The following ACBD3 variants were observed in gnomAD, a reference collection of about 807,000 sequenced individuals.
The protein encoded by ACBD3 is acyl-CoA binding domain containing 3.
A neutral mutation model predicts 66.9 loss-of-function variants in ACBD3; 30 were observed. The ratio of observed to expected loss-of-function variants is 0.45; its 90% CI spans 0.34 to 0.61. The LOEUF (loss-of-function observed/expected upper bound fraction) is 0.61. ACBD3 is among the 20% of genes least tolerant of loss of function. The pLI is 0.02. For synonymous variants in ACBD3, 278 were observed against 259.8 expected, an observed-to-expected ratio of 1.07 and a Z score of -0.68; for missense variants, 544 against 664.5, an observed-to-expected ratio of 0.82 and a Z score of 1.99.
At chr1:226,162,268 GAA>G (rs570558123) in intron 3 of ACBD3, among the ~76,000 whole-genome samples, 3 of 141,088 alleles carry the variant, frequency 2.1e-5, no homozygotes, top group Admixed American at 7.1e-5. Flanking sequence ...CTTGCTTAAT[GAA>G]AAAAAAAAAG....
At chr1:226,152,689 G>A (rs1054031525) in intron 6 of ACBD3, 70 bp from the exon 7 acceptor site, 3 of 1,433,610 alleles carry the variant, frequency 2.1e-6, no homozygotes, top group Non-Finnish European at 2.9e-6. Flanking sequence ...CATTTTCATA[G>A]CACTACCTGA....
intron 1 of ACBD3, among the ~76,000 whole-genome samples, chr1:226,185,472 T>C (rs186648076): frequency 1.3e-5 from 2 of 152,280 alleles, no homozygotes; most frequent in East Asian, 1.9e-4. Context: ...ACTTTTAAAG[T>C]TGCATTTGCT....
intron 3 of ACBD3, 127 bp downstream of exon 3, chr1:226,164,662 C>T (rs746101956): frequency 5.3e-6 from 6 of 1,137,180 alleles, no homozygotes; most frequent in Non-Finnish European, 5.9e-6. Context: ...GAACAATTGC[C>T]ACAAGAAATG....
chr1:226,161,722 C>T (rs374746639), intron 3 of ACBD3, 33 bp from the exon 4 acceptor site: 42 of 1,515,874 alleles, frequency 2.8e-5, no homozygotes, highest in African/African-American at 2.1e-4. Flanking sequence ...GAACCCTATA[C>T]GTTGAATCCT....
chr1:226,148,097 A>G (rs1659493610), intron 7 of ACBD3: 1 of 152,222 alleles, frequency 6.6e-6, no homozygotes, highest in Non-Finnish European at 1.5e-5. Context: ...CACCGTCTAT[A>G]GCAGATTAAG....
In ACBD3 at chr1:226,152,553, TTC is replaced by T; in HGVS notation, c.1155_1156del (p.Lys386AspfsTer25). 6.2e-7 allele frequency: 1 copy of T among 1,614,226 alleles called. No homozygotes were observed. The highest frequency in any genetic ancestry group is 8.5e-7 in the Non-Finnish European group (1 of 1,180,040). ...CACGGAATCTGCATCCTGCTGAATC[TTC>T]TCTTTGAAGTCTTTGATCTGAGGTC... On this transcript the variant is annotated frameshift_variant, in exon 7 of 8. Coordinates refer to ENST00000366812, the MANE Select transcript of ACBD3 (RefSeq NM_022735.4). LOFTEE classifies it high-confidence loss of function.
chr1:226,162,017 G>T (rs79575279), intron 3 of ACBD3, among the ~76,000 whole-genome samples: 4,630 of 152,098 alleles, frequency 0.03, 215 homozygotes, highest in African/African-American at 0.1. Context: ...CATAATACCT[G>T]CTGTCATTAT....
chr1:226,159,341 G>T lies in ACBD3; in HGVS notation c.746C>A (p.Ala249Asp). 6.2e-7 allele frequency: 1 copy of T among 1,614,068 alleles called. No homozygotes were observed. The highest frequency in any genetic ancestry group is 8.5e-7 in the Non-Finnish European group (1 of 1,179,982). Residue 249 changes from alanine (A) to aspartate (D), a missense_variant, in exon 5 of 8, where the codon GCT becomes GAT. Physicochemically the swap from Ala to Asp is moderately radical, Grantham distance 126. Around this residue, in one of 3 missense-constraint regions of ACBD3, gnomAD observed 383 missense variants for 462.4 expected, o/e 0.83. Coordinates refer to ENST00000366812, the MANE Select transcript of ACBD3 (RefSeq NM_022735.4). ...CTGCACGGCAGTCTGGGAGTTTAAA[G>T]CTGCCATTATCTGCTGCCTAAAAAC... is the stretch of plus-strand genomic sequence containing the variant. ...LEQQKQQIMA[A>D]LNSQTAVQFQ...
intron 4 of ACBD3, 94 bp from the exon 5 acceptor site, chr1:226,159,452 ACTCT>A: frequency 8.5e-7 from 1 of 1,181,864 alleles, no homozygotes; most frequent in Non-Finnish European, 1.2e-6. Flanking sequence ...ACAGTCTGTA[ACTCT>A]TAAAAACAAC....
chr1:226,181,843 G>C (rs1656176596), intron 1 of ACBD3, among the ~76,000 whole-genome samples: 1 of 152,132 alleles, frequency 6.6e-6, no homozygotes, highest in South Asian at 2.1e-4. Flanking sequence ...CATCCAAGAA[G>C]TATAAAGGTC....
intron 1 of ACBD3, among the ~76,000 whole-genome samples, chr1:226,182,565 G>C (rs1656195678): frequency 1.3e-5 from 2 of 152,068 alleles, no homozygotes. Flanking sequence ...AGGGAGTGGA[G>C]ATCATGCCAC....
At chr1:226,164,995 C>G in intron 2 of ACBD3, 66 bp from the exon 3 acceptor site, 1 of 1,416,518 alleles carries the variant, frequency 7.1e-7, no homozygotes, top group Non-Finnish European at 9.4e-7. Flanking sequence ...AAATTTAAAC[C>G]TAAATATGAA....
chr1:226,175,977 C>T (rs1656022559), intron 1 of ACBD3, among the ~76,000 whole-genome samples: 2 of 152,196 alleles, frequency 1.3e-5, no homozygotes, highest in South Asian at 2.1e-4. Context: ...TGTTAGGTTA[C>T]TTGCAAAGGC....
At chr1:226,167,989 T>C (rs1398065222) in intron 1 of ACBD3, among the ~76,000 whole-genome samples, 3 of 152,294 alleles carry the variant, frequency 2.0e-5, no homozygotes, top group Admixed American at 6.5e-5. Flanking sequence ...TAAACTGTTA[T>C]AGTTACCTTG....
chr1:226,152,301 C>T (rs949544826), intron 7 of ACBD3, 34 bp downstream of exon 7: 16 of 1,606,480 alleles, frequency 1.0e-5, no homozygotes, highest in Non-Finnish European at 1.3e-5. Flanking sequence ...AACACACAAC[C>T]CAGCAGCTAC....
At chr1:226,158,062 C>T (rs1353946451) in intron 5 of ACBD3, among the ~76,000 whole-genome samples, 1 of 152,198 alleles carries the variant, frequency 6.6e-6, no homozygotes, top group Non-Finnish European at 1.5e-5. Context: ...CACTTATTAT[C>T]TTGAATAAAC....
intron 1 of ACBD3, among the ~76,000 whole-genome samples, chr1:226,181,291 T>C (rs1656165393): frequency 6.6e-6 from 1 of 152,218 alleles, no homozygotes; most frequent in Admixed American, 6.6e-5. Flanking sequence ...ATTATATATG[T>C]TTCCAATGAA....
At chr1:226,184,736 C>T (rs1341335415) in intron 1 of ACBD3, among the ~76,000 whole-genome samples, 2 of 151,704 alleles carry the variant, frequency 1.3e-5, no homozygotes, top group African/African-American at 2.4e-5. Flanking sequence ...TTCACTTTGT[C>T]GCCCAGGATG....
Position 226,159,236 on chromosome 1 carries a change from T to C in ACBD3, c.851A>G (p.His284Arg). The C allele has an allele frequency of 1.2e-6, 2 of 1,614,198 alleles. No homozygotes were observed. The highest frequency in any genetic ancestry group is 8.5e-7 in the Non-Finnish European group (1 of 1,180,004). Residue 284 changes from histidine to arginine, a missense_variant, in exon 5 of 8, where the codon CAC (histidine) becomes CGC (arginine). Physicochemically the swap from His to Arg is conservative, Grantham distance 29. Transcript: ENST00000366812. ...QILIRQLQEQ[H>R]YQQYMQQLYQ... ...CAACTGCTGCATGTACTGCTGATAGTGTTGCTCCTGCAACTGGCGGATGAG... is the reference window on the plus strand; with the variant it reads ...CAACTGCTGCATGTACTGCTGATAGCGTTGCTCCTGCAACTGGCGGATGAG...
Sources: allele counts gnomAD v4.1 joint callset (sites outside exome capture counted in the v4.1 genomes callset), GRCh38; gene constraint gnomAD v4.1.1; regional missense constraint gnomAD v4.1.1; transcripts MANE v1.5; gene names NCBI Gene and HGNC (gene_info 2026-07-23, HGNC 2026-07-21).